Variants in PLPP4 observed in about 807,000 individuals in gnomAD.
PLPP4 encodes diacylglycerol pyrophosphate like 2.
PLPP4 carries 20 observed loss-of-function variants against 32.2 expected under a neutral mutation model. The ratio of observed to expected loss-of-function variants is 0.62; its 90% confidence interval spans 0.44 to 0.90. The LOEUF (loss-of-function observed/expected upper bound fraction) is 0.90, where lower values mean the gene tolerates loss of function less well. Among genes scored for constraint, PLPP4 ranks in the 40% least tolerant of loss-of-function variants. PLPP4 has a pLI of 0.00. For missense variants in PLPP4, 257 were observed against 353.1 expected (o/e 0.73, Z 2.18); for synonymous variants, 127 against 133.0 (o/e 0.95, Z 0.31).
At chr10:120,480,542 T>C (rs2133815567) in intron 1 of PLPP4, among the ~76,000 whole-genome samples, 1 of 152,254 alleles carries the variant, frequency 6.6e-6, no homozygotes, top group East Asian at 1.9e-4. Context: ...CATCTGAAAC[T>C]AACAAGGTAA....
chr10:120,513,001 G>T (rs1845792678), intron 2 of PLPP4, among the ~76,000 whole-genome samples: 1 of 152,110 alleles, frequency 6.6e-6, no homozygotes, highest in South Asian at 2.1e-4. Context: ...TTCTGGATTT[G>T]TGAGATGTTC....
At chr10:120,574,945 T>C (rs1396373261) in intron 5 of PLPP4, among the ~76,000 whole-genome samples, 186 bp from the exon 6 acceptor site, 2 of 151,488 alleles carry the variant, frequency 1.3e-5, no homozygotes, top group Non-Finnish European at 2.9e-5. Context: ...TGGAAGATTA[T>C]TCTTATGGTT....
chr10:120,465,539 G>A (rs1229148825), intron 1 of PLPP4, among the ~76,000 whole-genome samples: 1 of 152,226 alleles, frequency 6.6e-6, no homozygotes, highest in African/African-American at 2.4e-5. Context: ...TAGAAAGGTA[G>A]CAGTCTGCCA....
intron 1 of PLPP4, among the ~76,000 whole-genome samples, chr10:120,462,510 G>C (rs1264978275): frequency 6.6e-6 from 1 of 152,168 alleles, no homozygotes; most frequent in Non-Finnish European, 1.5e-5. Context: ...ACTGCGTTGT[G>C]GTCAGCCATC....
intron 1 of PLPP4, among the ~76,000 whole-genome samples, chr10:120,487,871 GA>G (rs1445712597): frequency 3.3e-5 from 5 of 152,356 alleles, no homozygotes; most frequent in African/African-American, 1.2e-4. Flanking sequence ...CTGGCTTCCA[GA>G]GTTGGTGGCT....
intron 1 of PLPP4, among the ~76,000 whole-genome samples, chr10:120,482,456 T>C (rs1422053686): frequency 6.6e-6 from 1 of 152,102 alleles, no homozygotes; most frequent in Non-Finnish European, 1.5e-5. Flanking sequence ...AACTTAGAAC[T>C]TGAAGGAGAT....
chr10:120,514,291 C>G (rs1845851023), intron 3 of PLPP4, among the ~76,000 whole-genome samples: 3 of 152,188 alleles, frequency 2.0e-5, no homozygotes, highest in Non-Finnish European at 4.4e-5. Flanking sequence ...CCGGGTAGCT[C>G]TTGGCAGTAA....
intron 2 of PLPP4, among the ~76,000 whole-genome samples, chr10:120,506,627 C>T (rs553304044): frequency 6.6e-6 from 1 of 152,236 alleles, no homozygotes; most frequent in East Asian, 1.9e-4. Context: ...CTTGGATTTT[C>T]TTTTATTGGA....
chr10:120,489,398 G>A (rs1287494227), intron 1 of PLPP4, among the ~76,000 whole-genome samples: 2 of 152,184 alleles, frequency 1.3e-5, no homozygotes, highest in African/African-American at 2.4e-5. Flanking sequence ...TTCAGAGAGT[G>A]GGACCAAGGG....
chr10:120,501,733 C>T (rs573005421), intron 1 of PLPP4, among the ~76,000 whole-genome samples: 3 of 152,324 alleles, frequency 2.0e-5, no homozygotes, highest in East Asian at 1.9e-4. Context: ...GCTGGGGACT[C>T]CTGGCCCATC....
chr10:120,513,809 C>A, intron 2 of PLPP4, 102 bp from the exon 3 acceptor site: 1 of 885,228 alleles, frequency 1.1e-6, no homozygotes, highest in South Asian at 1.4e-5. Context: ...TAAGATTATT[C>A]AACCAGGGAG....
At chr10:120,471,775 C>A (rs1278596294) in intron 1 of PLPP4, among the ~76,000 whole-genome samples, 2 of 152,024 alleles carry the variant, frequency 1.3e-5, no homozygotes, top group Non-Finnish European at 2.9e-5. Context: ...AAATCTATCA[C>A]CTTTTACTAT....
chr10:120,479,777 C>T (rs913771031), intron 1 of PLPP4, among the ~76,000 whole-genome samples: 8 of 152,186 alleles, frequency 5.3e-5, no homozygotes, highest in East Asian at 1.9e-4. Context: ...TTAATTTAAC[C>T]GATGGCTGGA....
chr10:120,484,622 T>A (rs1191410281), intron 1 of PLPP4, among the ~76,000 whole-genome samples: 2 of 152,234 alleles, frequency 1.3e-5, no homozygotes, highest in East Asian at 3.8e-4. Context: ...TGTCTTAATA[T>A]GCTGCATTAG....
chr10:120,545,405 T>C (rs1429542266), intron 5 of PLPP4, among the ~76,000 whole-genome samples: 1 of 152,250 alleles, frequency 6.6e-6, no homozygotes, highest in Non-Finnish European at 1.5e-5. Context: ...ATATTCTGCC[T>C]TTACTCATGG....
rs11199353 is a variant in PLPP4, at chr10:120,464,730, T to C, written c.56+7369T>C. On this transcript the variant is annotated intron_variant, in intron 1 of 6. Coordinates refer to ENST00000398250, the MANE Select transcript of PLPP4 (RefSeq NM_001030059.3). ...TGCTATGTTGTGTTCTTAGATAACATAACATAAGGAAAATGCTATGTCCCC... is the reference window on the plus strand; with the variant it reads ...TGCTATGTTGTGTTCTTAGATAACACAACATAAGGAAAATGCTATGTCCCC... Among the ~76,000 whole-genome samples, 1,148 of 152,294 alleles carry C rather than the reference T, an allele frequency of 7.5e-3. 8 individuals carry two copies. The highest frequency in any genetic ancestry group is 0.031 in the Middle Eastern group (9 of 294).
intron 6 of PLPP4, among the ~76,000 whole-genome samples, chr10:120,588,900 G>A (rs1849888396): frequency 6.6e-6 from 1 of 152,182 alleles, no homozygotes; most frequent in Admixed American, 6.5e-5. Flanking sequence ...ACAAAAATTA[G>A]CTGAGAGTGG....
At chr10:120,466,522 A>G (rs1848322183) in intron 1 of PLPP4, among the ~76,000 whole-genome samples, 1 of 152,194 alleles carries the variant, frequency 6.6e-6, no homozygotes, top group Admixed American at 6.5e-5. Flanking sequence ...CCATTTCTCT[A>G]GAGTTCAGTG....
At chr10:120,580,946 C>A (rs1168496173) in intron 6 of PLPP4, 2 of 1,289,316 alleles carry the variant, frequency 1.6e-6, no homozygotes, top group Non-Finnish European at 2.0e-6. Context: ...CCATCGGCTG[C>A]CAACCCCCGC....
Sources: gnomAD v4.1 joint callset for allele counts (sites outside exome capture counted in the v4.1 genomes callset) on GRCh38, gnomAD v4.1.1 for gene constraint, MANE v1.5 for transcripts, NCBI Gene and HGNC (gene_info 2026-07-23, HGNC 2026-07-21) for gene names.